OPCML: variants seen among roughly 807,000 people sequenced by gnomAD.
OPCML encodes the protein opioid-binding protein/cell adhesion molecule.
In OPCML, 13 loss-of-function variants were observed where a neutral mutation model predicts 37.8. The observed-to-expected ratio is 0.34, with a 90% confidence interval of 0.22 to 0.55. OPCML has a LOEUF of 0.55. Among genes scored for constraint, OPCML ranks in the 20% least tolerant of loss-of-function variants. The pLI, the probability that OPCML is intolerant of heterozygous loss-of-function variation, is 0.91. For synonymous variants in OPCML, 176 were observed against 168.8 expected (o/e 1.04, Z -0.33); for missense variants, 341 against 435.6 (o/e 0.78, Z 1.93).
At chr11:133,395,802 TGAAGTTAG>T (rs1401228465) in intron 1 of OPCML, among the ~76,000 whole-genome samples, 1 of 152,218 alleles carries the variant, frequency 6.6e-6, no homozygotes, top group Non-Finnish European at 1.5e-5. Flanking sequence ...TAGTACAATT[TGAAGTTAG>T]GTGTGTGATC....
At chr11:132,434,641 C>T (rs188399100) in intron 7 of OPCML, among the ~76,000 whole-genome samples, 5 of 152,050 alleles carry the variant, frequency 3.3e-5, no homozygotes, top group Admixed American at 2.0e-4. Context: ...TGACATGATG[C>T]CTAGAAACCA....
At chr11:132,569,416 G>T (rs1207121121) in intron 3 of OPCML, among the ~76,000 whole-genome samples, 1 of 152,144 alleles carries the variant, frequency 6.6e-6, no homozygotes, top group Non-Finnish European at 1.5e-5. Flanking sequence ...AATGTTTGTT[G>T]TTTAAGCTAC....
chr11:133,493,146 G>GC (rs972351264), intron 1 of OPCML, among the ~76,000 whole-genome samples: 5 of 152,150 alleles, frequency 3.3e-5, no homozygotes, highest in African/African-American at 1.2e-4. Context: ...TCATGACCTT[G>GC]CCCCCCAGAA....
At chr11:133,021,277 C>A (rs1947445133) in intron 1 of OPCML, among the ~76,000 whole-genome samples, 1 of 152,154 alleles carries the variant, frequency 6.6e-6, no homozygotes, top group Admixed American at 6.5e-5. Context: ...TAGGCGAGAG[C>A]ATTTTCTTAG....
chr11:133,108,237 A>T lies in OPCML; in HGVS notation c.62-165227T>A, dbSNP rs1257955992. On this transcript the variant is annotated intron_variant, in intron 1 of 7. Transcript: ENST00000524381. ...ACACTTTCAGATGGGGCCAGAGGAG[A>T]ATTGCTGCGAATTAATATGCAACTC... Among the ~76,000 whole-genome samples the T allele has an allele frequency of 2.0e-5, 3 of 152,170 alleles. No homozygotes were observed. The East Asian group carries it at 5.8e-4, about 29-fold the overall frequency.
chr11:132,599,357 GAGAAGGAGGAGGAGGAAGA>G (rs1937673590), intron 3 of OPCML, among the ~76,000 whole-genome samples: 23 of 127,768 alleles, frequency 1.8e-4, no homozygotes, highest in Admixed American at 1.8e-3. Flanking sequence ...GAAGAAGGAG[GAGAAGGAGGAGGAGGAAGA>G]AGGAGGAAGA....
At chr11:132,672,267 T>A (rs988431900) in intron 2 of OPCML, among the ~76,000 whole-genome samples, 1 of 152,120 alleles carries the variant, frequency 6.6e-6, no homozygotes. Flanking sequence ...TGCAGCAGAG[T>A]GGAGAATTAC....
At chr11:133,401,981 C>T (rs565565575) in intron 1 of OPCML, among the ~76,000 whole-genome samples, 4 of 152,044 alleles carry the variant, frequency 2.6e-5, no homozygotes, top group South Asian at 2.1e-4. Context: ...TCAACTGGGC[C>T]GCGAGCAAGT....
intron 1 of OPCML, among the ~76,000 whole-genome samples, chr11:133,042,882 C>T (rs1947933357): frequency 1.3e-5 from 2 of 152,100 alleles, no homozygotes; most frequent in Admixed American, 1.3e-4. Context: ...CTATTTTTGG[C>T]ATCAACCTGC....
intron 2 of OPCML, among the ~76,000 whole-genome samples, chr11:132,716,531 T>G (rs940181962): frequency 6.6e-6 from 1 of 152,158 alleles, no homozygotes; most frequent in Non-Finnish European, 1.5e-5. Context: ...AAATGAACCC[T>G]GTGAAGGATT....
At chr11:132,540,505 G>A (rs2096353590) in intron 3 of OPCML, among the ~76,000 whole-genome samples, 1 of 152,146 alleles carries the variant, frequency 6.6e-6, no homozygotes, top group Non-Finnish European at 1.5e-5. Flanking sequence ...TTTGAGGCAG[G>A]GCCAGATCCA....
At chr11:133,327,945 G>A (rs545815967) in intron 1 of OPCML, among the ~76,000 whole-genome samples, 2 of 152,194 alleles carry the variant, frequency 1.3e-5, no homozygotes, top group Admixed American at 6.5e-5. Context: ...CAGAGACAAA[G>A]CTGCAGAGAA....
At chr11:132,774,998 G>C (rs1400364458) in intron 2 of OPCML, among the ~76,000 whole-genome samples, 1 of 152,204 alleles carries the variant, frequency 6.6e-6, no homozygotes, top group African/African-American at 2.4e-5. Flanking sequence ...GCATCCAGGA[G>C]GGACTGCCGT....
chr11:133,098,468 G>C (rs1949037298), intron 1 of OPCML, among the ~76,000 whole-genome samples: 1 of 152,090 alleles, frequency 6.6e-6, no homozygotes, highest in Non-Finnish European at 1.5e-5. Context: ...GCTCGCCTCA[G>C]CCTCCCAAAG....
chr11:132,811,897 C>A (rs962004665), intron 2 of OPCML, among the ~76,000 whole-genome samples: 1 of 152,180 alleles, frequency 6.6e-6, no homozygotes, highest in African/African-American at 2.4e-5. Flanking sequence ...GTTCACAGGA[C>A]TAAATGAACA....
intron 2 of OPCML, among the ~76,000 whole-genome samples, chr11:132,684,805 C>T (rs963756696): frequency 8.5e-5 from 13 of 152,128 alleles, no homozygotes; most frequent in Admixed American, 3.9e-4. Context: ...AATAACTTTG[C>T]GGTCACTGTT....
chr11:132,596,936 A>G (rs1376539017), intron 3 of OPCML, among the ~76,000 whole-genome samples: 2 of 152,210 alleles, frequency 1.3e-5, no homozygotes, highest in Non-Finnish European at 2.9e-5. Flanking sequence ...ACAGATATCT[A>G]CAGCATACCT....
rs7108253 is a variant in OPCML, at chr11:133,520,264, G to C, written c.61+12000C>G. On this transcript the variant is annotated intron_variant, in intron 1 of 7. Coordinates refer to ENST00000524381, the MANE Select transcript of OPCML (RefSeq NM_001012393.5). ...GCGTGGGAGGTTCCTGGTCTCAAGG[G>C]CCATTTTCAGAACTACAGGCCACCT... Among the ~76,000 whole-genome samples the C allele has an allele frequency of 8.1e-3, 1,226 of 152,150 alleles. 21 individuals carry two copies. Among genetic ancestry groups the C allele is most frequent in the African/African-American group, 0.028 (1,169 of 41,510 alleles).
intron 2 of OPCML, among the ~76,000 whole-genome samples, chr11:132,759,761 T>C (rs889917812): frequency 3.3e-5 from 5 of 152,186 alleles, no homozygotes; most frequent in South Asian, 2.1e-4. Flanking sequence ...CCTGGATTCA[T>C]TGATTTTTTG....
Sources: allele counts gnomAD v4.1 joint callset (sites outside exome capture counted in the v4.1 genomes callset), GRCh38; gene constraint gnomAD v4.1.1; transcripts MANE v1.5; gene names NCBI Gene and HGNC (gene_info 2026-07-23, HGNC 2026-07-21).